CHRM3: variants seen among roughly 807,000 people sequenced by gnomAD.
CHRM3 encodes cholinergic receptor muscarinic 3, also known as muscarinic acetylcholine receptor M3.
CHRM3 carries 11 observed loss-of-function variants against 41.8 expected under a neutral mutation model. That is an observed-to-expected ratio of 0.26 (90% confidence interval 0.17 to 0.44). The LOEUF is 0.44. Ranked by LOEUF, CHRM3 falls within the 20% of genes least tolerant of loss-of-function variation. The pLI is 1.00. For synonymous variants in CHRM3, 297 were observed against 301.4 expected (o/e 0.99, Z 0.15); for missense variants, 571 against 745.4 (o/e 0.77, Z 2.72).
chr1:239,791,177 T>G (rs190089000), intron 5 of CHRM3, among the ~76,000 whole-genome samples: 1 of 152,280 alleles, frequency 6.6e-6, no homozygotes, highest in African/African-American at 2.4e-5. Flanking sequence ...CAGTCTCGGC[T>G]CACTGCAACC....
intron 3 of CHRM3, among the ~76,000 whole-genome samples, chr1:239,569,835 G>A (rs1008121877): frequency 7.2e-5 from 11 of 152,058 alleles, no homozygotes; most frequent in African/African-American, 2.4e-4. Context: ...TGCACAGAGG[G>A]CATCCCAGAC....
At chr1:239,769,901 G>A (rs909129259) in intron 5 of CHRM3, among the ~76,000 whole-genome samples, 2 of 151,680 alleles carry the variant, frequency 1.3e-5, no homozygotes, top group African/African-American at 4.8e-5. Context: ...AAAATTATTT[G>A]CGTTGGGCTC....
intron 1 of CHRM3, among the ~76,000 whole-genome samples, chr1:239,442,234 G>C (rs1418567207): frequency 1.3e-5 from 2 of 151,778 alleles, no homozygotes; most frequent in Admixed American, 1.3e-4. Context: ...AGCCTCCTGA[G>C]TAGCTGGGAT....
At chr1:239,891,256 T>C (rs1353397586) in intron 6 of CHRM3, among the ~76,000 whole-genome samples, 1 of 152,162 alleles carries the variant, frequency 6.6e-6, no homozygotes, top group African/African-American at 2.4e-5. Context: ...TGCAATTCAA[T>C]GGGGTTTTCT....
At chr1:239,760,147 G>A (rs1483605452) in intron 5 of CHRM3, among the ~76,000 whole-genome samples, 2 of 150,086 alleles carry the variant, frequency 1.3e-5, no homozygotes, top group South Asian at 2.1e-4. Flanking sequence ...GGATGGTCTC[G>A]ATCTCCTGAC....
rs199545608 is a variant in CHRM3, at chr1:239,908,552, C to T, written c.1101C>T (p.Ile367=). 9 of 1,587,160 alleles carry T rather than the reference C, an allele frequency of 5.7e-6. No individual in the cohort carries two copies. Among genetic ancestry groups the T allele is most frequent in the East Asian group, 2.3e-5 (1 of 44,308 alleles). The change falls in exon 7 of 7, where the codon ATC becomes ATT. Residue 367 remains isoleucine (I), a synonymous_variant. Coordinates refer to ENST00000676153, the MANE Select transcript of CHRM3 (RefSeq NM_001375978.1). This position sits in a 1 kb window ranked among gnomAD's most constrained non-coding sequence, Gnocchi z 7.2. ...IGSETRAIYS[I]VLKLPGHSTI... is the part of the protein sequence containing the mutation. ...CCGAGACGAGAGCCATCTACTCCAT[C>T]GTGCTCAAGCTTCCGGGTCACAGCA...
intron 2 of CHRM3, among the ~76,000 whole-genome samples, chr1:239,530,300 C>A (rs1293464481): frequency 6.6e-6 from 1 of 152,120 alleles, no homozygotes; most frequent in Non-Finnish European, 1.5e-5. Context: ...TTCTCAGCTC[C>A]TCAAATTCAG....
At chr1:239,850,688 C>T (rs1349589689) in intron 6 of CHRM3, among the ~76,000 whole-genome samples, 3 of 152,108 alleles carry the variant, frequency 2.0e-5, no homozygotes, top group East Asian at 3.9e-4. Context: ...AGTGGGTCCC[C>T]TCATGCTGTT....
chr1:239,419,217 C>A (rs1193949823), intron 1 of CHRM3, among the ~76,000 whole-genome samples: 1 of 151,904 alleles, frequency 6.6e-6, no homozygotes, highest in Admixed American at 6.6e-5. Context: ...ACATCTATTC[C>A]TTTTTTTTCT....
intron 5 of CHRM3, among the ~76,000 whole-genome samples, chr1:239,685,616 A>G (rs1659057122): frequency 6.6e-6 from 1 of 152,140 alleles, no homozygotes; most frequent in Non-Finnish European, 1.5e-5. Context: ...TGAGGTCAGG[A>G]ATTCGAGACC....
At chr1:239,444,093 T>C (rs905816080) in intron 1 of CHRM3, among the ~76,000 whole-genome samples, 3 of 152,202 alleles carry the variant, frequency 2.0e-5, no homozygotes, top group African/African-American at 7.2e-5. Flanking sequence ...GTGTGCCATC[T>C]CTGGGCCTTT....
At chr1:239,541,336 A>G (rs1330160282) in intron 2 of CHRM3, among the ~76,000 whole-genome samples, 1 of 152,128 alleles carries the variant, frequency 6.6e-6, no homozygotes, top group Non-Finnish European at 1.5e-5. Flanking sequence ...AGCCTCACAT[A>G]TAGTAGGTGC....
At chr1:239,753,001 C>T (rs189086518) in intron 5 of CHRM3, among the ~76,000 whole-genome samples, 190 of 152,166 alleles carry the variant, frequency 1.2e-3, no homozygotes, top group South Asian at 3.7e-3. Context: ...AAATTTCTCT[C>T]TGGGGAAGCA....
intron 1 of CHRM3, among the ~76,000 whole-genome samples, chr1:239,425,736 T>C (rs557230247): frequency 2.0e-5 from 3 of 152,260 alleles, no homozygotes; most frequent in Admixed American, 6.5e-5. Flanking sequence ...GATCATCAGG[T>C]TCTGATGATG....
intron 2 of CHRM3, among the ~76,000 whole-genome samples, chr1:239,518,315 G>A (rs1159529192): frequency 6.6e-6 from 1 of 152,188 alleles, no homozygotes; most frequent in Admixed American, 6.5e-5. Flanking sequence ...AGAATCAAAT[G>A]AATGTGAGTT....
intron 6 of CHRM3, among the ~76,000 whole-genome samples, chr1:239,854,407 T>C (rs1674943600): frequency 6.6e-6 from 1 of 152,022 alleles, no homozygotes. Context: ...CAAAAAACAA[T>C]CCTTCTGAGT....
intron 3 of CHRM3, among the ~76,000 whole-genome samples, chr1:239,589,814 G>A (rs1372941946): frequency 6.6e-6 from 1 of 150,832 alleles, no homozygotes; most frequent in African/African-American, 2.4e-5. Context: ...GTTTTTTTAT[G>A]TATATAGTTA....
At chr1:239,817,214 CA>C (rs1416858232) in intron 5 of CHRM3, among the ~76,000 whole-genome samples, 1 of 152,162 alleles carries the variant, frequency 6.6e-6, no homozygotes. Flanking sequence ...AAAGCAAGAC[CA>C]GACCCTGAAG....
At chr1:239,544,585 G>A (rs1378025295) in intron 2 of CHRM3, among the ~76,000 whole-genome samples, 1 of 152,112 alleles carries the variant, frequency 6.6e-6, no homozygotes, top group African/African-American at 2.4e-5. Flanking sequence ...GTAAATTAAA[G>A]GATTGACAAA....
Sources: gnomAD v4.1 joint callset for allele counts (sites outside exome capture counted in the v4.1 genomes callset) on GRCh38, gnomAD v4.1.1 for gene constraint, Gnocchi (gnomAD v3.1) non-coding constraint, MANE v1.5 for transcripts, NCBI Gene and HGNC (gene_info 2026-07-23, HGNC 2026-07-21) for gene names.